Variants in IL1RAPL1 observed in about 807,000 individuals in gnomAD.
IL1RAPL1 encodes the protein interleukin 1 receptor accessory protein like 1.
A neutral mutation model predicts 48.4 loss-of-function variants in IL1RAPL1; 3 were observed. The ratio of observed to expected loss-of-function variants is 0.06; its 90% CI spans 0.03 to 0.16. The LOEUF (loss-of-function observed/expected upper bound fraction) is 0.16, where lower values mean the gene tolerates loss of function less well. Among genes scored for constraint, IL1RAPL1 ranks in the 10% least tolerant of loss-of-function variants. The pLI, the probability that IL1RAPL1 is intolerant of heterozygous loss-of-function variation, is 1.00. For missense variants in IL1RAPL1, 349 were observed against 530.6 expected, an observed-to-expected ratio of 0.66 and a Z score of 3.36; for synonymous variants, 185 against 187.7, an observed-to-expected ratio of 0.99 and a Z score of 0.12.
intron 2 of IL1RAPL1, among the ~76,000 whole-genome samples, chrX:28,846,233 A>G (rs1921505382): frequency 8.9e-6 from 1 of 111,865 alleles, no homozygotes; most frequent in Non-Finnish European, 1.9e-5. Context: ...AGTTTCCTCC[A>G]TGACTTTTTA....
chrX:29,922,217 G>A (rs1378532979), intron 8 of IL1RAPL1, among the ~76,000 whole-genome samples: 1 of 111,094 alleles, frequency 9.0e-6, no homozygotes, highest in African/African-American at 3.3e-5. Context: ...GTTGCCCAAA[G>A]CTATGAAACC....
intron 1 of IL1RAPL1, among the ~76,000 whole-genome samples, chrX:28,644,242 G>A (rs1450223844): frequency 9.0e-6 from 1 of 111,340 alleles, no homozygotes; most frequent in Admixed American, 9.6e-5. Context: ...TTGTCATTGA[G>A]TTAGTTGCTG....
intron 2 of IL1RAPL1, among the ~76,000 whole-genome samples, chrX:28,870,617 T>G: frequency 8.9e-6 from 1 of 111,933 alleles, no homozygotes; most frequent in Non-Finnish European, 1.9e-5. Flanking sequence ...CCTAACATTC[T>G]ATTAATTTTA....
rs1555948249 is a variant in IL1RAPL1, at chrX:28,971,898, G to GTA, written c.82+182474_82+182475insAT. 9.3e-5 allele frequency among the ~76,000 whole-genome samples: 10 copies of GTA among 107,388 alleles called. 1 individual carries two copies. In the Admixed American group the frequency reaches 1.0e-3, roughly 11 times the overall value. The allele number at this position is 107,388 out of a possible 115,157, so 93.3% of individuals were successfully genotyped here. A position where few individuals can be genotyped will look rare whatever the true frequency, so the allele number is the denominator to read the frequency against. ...AAATTGTGTGTGTGTGTGTGTGTGT[G>GTA]TGTGTGTGTGTGTGTGTGTATTTCT... On this transcript the variant is annotated intron_variant, in intron 2 of 10. Coordinates refer to ENST00000378993, the MANE Select transcript of IL1RAPL1 (RefSeq NM_014271.4).
At chrX:29,262,065 C>A (rs141972309) in intron 2 of IL1RAPL1, among the ~76,000 whole-genome samples, 101 of 111,072 alleles carry the variant, frequency 9.1e-4, no homozygotes, top group South Asian at 4.9e-3. Context: ...GGGTTTTTGT[C>A]CTGGCTCTGA....
chrX:29,068,326 C>T (rs1248441477), intron 2 of IL1RAPL1, among the ~76,000 whole-genome samples: 2 of 112,014 alleles, frequency 1.8e-5, no homozygotes, highest in Non-Finnish European at 3.8e-5. Context: ...TTCTATTATA[C>T]GAGTTGCTCT....
intron 6 of IL1RAPL1, among the ~76,000 whole-genome samples, chrX:29,879,357 ATGTGTGTGTGTGTGTGTGTGTG>A (rs370851302): frequency 2.4e-5 from 2 of 83,981 alleles, no homozygotes; most frequent in Non-Finnish European, 2.4e-5. Context: ...AGTTTTATAT[ATGTGTGTGTGTGTGTGTGTGTG>A]TGTGTGTGTG....
intron 2 of IL1RAPL1, among the ~76,000 whole-genome samples, chrX:28,831,026 C>CTCTCTCTCTCTGTGTG (rs1438889606): frequency 5.9e-5 from 2 of 33,647 alleles, no homozygotes; most frequent in Admixed American, 4.7e-4. Context: ...CTCTCTCTCT[C>CTCTCTCTCTCTGTGTG]TGTGTGTGTG....
chrX:29,430,323 G>A (rs1255685665), intron 5 of IL1RAPL1, among the ~76,000 whole-genome samples: 1 of 110,915 alleles, frequency 9.0e-6, no homozygotes, highest in African/African-American at 3.3e-5. Context: ...CTGCATCCAA[G>A]GTAGAGAGTG....
At chrX:29,398,210 A>T (rs1463515288) in intron 4 of IL1RAPL1, among the ~76,000 whole-genome samples, 2 of 112,238 alleles carry the variant, frequency 1.8e-5, no homozygotes, top group Non-Finnish European at 3.8e-5. Flanking sequence ...TGCAACTAAT[A>T]TGGCATATAC....
At chrX:29,627,120 A>T (rs1204911992) in intron 5 of IL1RAPL1, among the ~76,000 whole-genome samples, 1 of 112,211 alleles carries the variant, frequency 8.9e-6, no homozygotes, top group Non-Finnish European at 1.9e-5. Context: ...GAATAAATAC[A>T]AAAGTGAATG....
At chrX:29,177,539 G>T (rs1015710419) in intron 2 of IL1RAPL1, among the ~76,000 whole-genome samples, 2 of 111,582 alleles carry the variant, frequency 1.8e-5, no homozygotes, top group African/African-American at 6.5e-5. Context: ...AAGTACATTT[G>T]CATAAAATAC....
chrX:29,420,075 A>G (rs1201479820), intron 5 of IL1RAPL1, among the ~76,000 whole-genome samples: 1 of 112,029 alleles, frequency 8.9e-6, no homozygotes, highest in African/African-American at 3.3e-5. Flanking sequence ...GGATGCAGAC[A>G]ATGGCAAGGT....
intron 6 of IL1RAPL1, among the ~76,000 whole-genome samples, chrX:29,811,360 G>A (rs1930377761): frequency 9.0e-6 from 1 of 110,545 alleles, no homozygotes; most frequent in South Asian, 3.9e-4. Flanking sequence ...AGAACTTGGA[G>A]TTCAATGTTC....
chrX:29,388,374 ATATT>A (rs1482482900), intron 3 of IL1RAPL1, among the ~76,000 whole-genome samples: 1 of 110,843 alleles, frequency 9.0e-6, no homozygotes, highest in African/African-American at 3.3e-5. Flanking sequence ...AAATATATAT[ATATT>A]CCTGGTCCCT....
At chrX:28,651,020 A>T (rs1410308878) in intron 1 of IL1RAPL1, among the ~76,000 whole-genome samples, 2 of 112,026 alleles carry the variant, frequency 1.8e-5, no homozygotes, top group Non-Finnish European at 3.8e-5. Context: ...GCCTCATGTG[A>T]CTGGGTTTCA....
intron 5 of IL1RAPL1, among the ~76,000 whole-genome samples, chrX:29,428,164 A>C (rs1490192081): frequency 1.8e-5 from 2 of 111,739 alleles, no homozygotes; most frequent in Non-Finnish European, 3.8e-5. Context: ...AGCTGTTTTA[A>C]AGCCTGCAAG....
At chrX:29,568,595 T>C (rs1356026083) in intron 5 of IL1RAPL1, among the ~76,000 whole-genome samples, 1 of 111,200 alleles carries the variant, frequency 9.0e-6, no homozygotes, top group East Asian at 2.8e-4. Flanking sequence ...CTAGTTTAAC[T>C]AAATTATACA....
At chrX:29,900,549 C>CTATT (rs1365774854) in intron 6 of IL1RAPL1, among the ~76,000 whole-genome samples, 1 of 112,043 alleles carries the variant, frequency 8.9e-6, no homozygotes, top group Admixed American at 9.5e-5. Context: ...AGAACAGATA[C>CTATT]TATTTACTAT....
Sources: gnomAD v4.1 joint callset for allele counts (sites outside exome capture counted in the v4.1 genomes callset) on GRCh38, gnomAD v4.1.1 for gene constraint, MANE v1.5 for transcripts, NCBI Gene and HGNC (gene_info 2026-07-23, HGNC 2026-07-21) for gene names.